The following SATB2 variants were observed in gnomAD, a reference collection of about 807,000 sequenced individuals.
The protein encoded by SATB2 is DNA-binding protein SATB2.
SATB2 carries 1 observed loss-of-function variant against 73.4 expected under a neutral mutation model. The observed-to-expected ratio is 0.01, with a 90% CI of 0.00 to 0.06. The LOEUF (loss-of-function observed/expected upper bound fraction) is 0.06. SATB2 is among the 10% of genes least tolerant of loss of function. The pLI, the probability that SATB2 is intolerant of heterozygous loss-of-function variation, is 1.00. For missense variants in SATB2, 459 were observed against 945.8 expected (o/e 0.49, Z 6.75); for synonymous variants, 397 against 367.0 (o/e 1.08, Z -0.93).
At chr2:199,317,464 G>A (rs1171796361) in intron 9 of SATB2, among the ~76,000 whole-genome samples, 1 of 151,926 alleles carries the variant, frequency 6.6e-6, no homozygotes, top group Non-Finnish European at 1.5e-5. Flanking sequence ...ACCAAGTCAG[G>A]AACAGGCAAA....
chr2:199,404,858 C>T lies in SATB2; in HGVS notation c.347-23038G>A, dbSNP rs1574595975. On this transcript the variant is annotated intron_variant, in intron 3 of 10. Transcript: ENST00000417098. ...AAAAACACTGTGATGCTTCTAAGAG[C>T]TTTAAACTTGTAAATAACCCCTCCC... 2.0e-5 allele frequency among the ~76,000 whole-genome samples: 3 copies of T among 152,276 alleles called. No homozygotes were observed. The Middle Eastern group carries it at 0.01, about 518-fold the overall frequency.
At chr2:199,301,884 C>T (rs2105758726) in intron 10 of SATB2, among the ~76,000 whole-genome samples, 1 of 152,196 alleles carries the variant, frequency 6.6e-6, no homozygotes, top group African/African-American at 2.4e-5. Context: ...AGAGGTAATA[C>T]TATGTTCAGG....
intron 10 of SATB2, among the ~76,000 whole-genome samples, chr2:199,280,288 C>T (rs765687020): frequency 6.6e-6 from 1 of 152,128 alleles, no homozygotes; most frequent in Admixed American, 6.5e-5. Flanking sequence ...CCATCATCTT[C>T]GTAAGCTGAG....
At chr2:199,307,436 C>T (rs982831136) in intron 10 of SATB2, among the ~76,000 whole-genome samples, 48 of 152,026 alleles carry the variant, frequency 3.2e-4, no homozygotes, top group African/African-American at 1.1e-3. Flanking sequence ...GATGAGACTT[C>T]GGTCAGAAAA....
chr2:199,435,975 T>TC (rs1329582395), intron 2 of SATB2, among the ~76,000 whole-genome samples: 2 of 152,182 alleles, frequency 1.3e-5, no homozygotes, highest in Non-Finnish European at 2.9e-5. Context: ...GGCCATATAG[T>TC]CCATGGTGCC....
intron 5 of SATB2, among the ~76,000 whole-genome samples, chr2:199,378,507 T>G (rs1243441839): frequency 6.6e-6 from 1 of 152,174 alleles, no homozygotes; most frequent in Non-Finnish European, 1.5e-5. Flanking sequence ...TACCTACAGG[T>G]AGGTATTAAA....
intron 2 of SATB2, among the ~76,000 whole-genome samples, chr2:199,448,703 T>G (rs1035790220): frequency 6.6e-6 from 1 of 152,156 alleles, no homozygotes; most frequent in African/African-American, 2.4e-5. Context: ...CTGTGCACAT[T>G]TCAGTAACTG....
At chr2:199,448,806 T>A (rs1327589470) in intron 2 of SATB2, among the ~76,000 whole-genome samples, 3 of 152,170 alleles carry the variant, frequency 2.0e-5, no homozygotes, top group Admixed American at 2.0e-4. Flanking sequence ...TTTTTTGATC[T>A]TTTTTGTTAT....
chr2:199,456,372 C>T (rs1692274787), intron 1 of SATB2, among the ~76,000 whole-genome samples: 1 of 152,230 alleles, frequency 6.6e-6, no homozygotes, highest in African/African-American at 2.4e-5. Context: ...CCCAGGGGCG[C>T]CTAGAAGTGG....
At chr2:199,309,676 T>C (rs944913884) in intron 9 of SATB2, among the ~76,000 whole-genome samples, 1 of 152,186 alleles carries the variant, frequency 6.6e-6, no homozygotes, top group African/African-American at 2.4e-5. Context: ...CAAATAATGA[T>C]GGATTATATG....
intron 3 of SATB2, among the ~76,000 whole-genome samples, chr2:199,424,514 T>C (rs916303556): frequency 1.1e-4 from 17 of 152,174 alleles, no homozygotes; most frequent in Admixed American, 2.6e-4. Flanking sequence ...AATAAATGAA[T>C]AGTTATGGAA....
At chr2:199,373,136 G>A (rs1414945470) in intron 5 of SATB2, among the ~76,000 whole-genome samples, 1 of 152,090 alleles carries the variant, frequency 6.6e-6, no homozygotes. Context: ...TACATATTCT[G>A]TCAGTGAGAA....
intron 10 of SATB2, among the ~76,000 whole-genome samples, chr2:199,300,608 A>G (rs1472949204): frequency 6.6e-6 from 1 of 152,104 alleles, no homozygotes; most frequent in Non-Finnish European, 1.5e-5. Context: ...TTTTGTACCG[A>G]TATAAATGAC....
At chr2:199,354,071 C>T (rs143480629) in intron 6 of SATB2, among the ~76,000 whole-genome samples, 17 of 152,210 alleles carry the variant, frequency 1.1e-4, no homozygotes, top group Admixed American at 1.1e-3. Context: ...AAAAACACAA[C>T]TGCTGGCCCG....
At chr2:199,284,003 C>T (rs1015330308) in intron 10 of SATB2, among the ~76,000 whole-genome samples, 1 of 152,094 alleles carries the variant, frequency 6.6e-6, no homozygotes. Context: ...TATGGTTATT[C>T]GGATCTGCAT....
chr2:199,461,815 C>T (rs958697097), upstream of SATB2, among the ~76,000 whole-genome samples: 2 of 152,164 alleles, frequency 1.3e-5, no homozygotes, highest in East Asian at 3.9e-4. Context: ...TTATTTCCAT[C>T]TTCTCTCCTT....
At chr2:199,373,019 G>A (rs1471722743) in intron 5 of SATB2, among the ~76,000 whole-genome samples, 9 of 152,260 alleles carry the variant, frequency 5.9e-5, no homozygotes, top group African/African-American at 2.4e-5. Context: ...GCTTGGCTTG[G>A]TGGGATTTAT....
rs1692543329 is a variant in SATB2 at position 199,464,201 on chromosome 2, C to T, written c.-141+635G>A. ...TGGCCTCCGGGAAAGGCCCAAGTGA[C>T]TGTGACGGCGGCGACTCGGGCTCAG... On this transcript the variant is annotated intron_variant, in intron 1 of 11. Coordinates refer to the SATB2 transcript ENST00000260926. This position sits in a 1 kb window ranked among gnomAD's most constrained non-coding sequence, Gnocchi z 6.6. Among the ~76,000 whole-genome samples, 1 of 152,180 alleles carries T rather than the reference C, an allele frequency of 6.6e-6. No individual in the cohort carries two copies. Among genetic ancestry groups the T allele is most frequent in the Non-Finnish European group, 1.5e-5 (1 of 68,026 alleles).
chr2:199,405,497 TA>T (rs1212210532), intron 3 of SATB2, among the ~76,000 whole-genome samples: 3 of 151,966 alleles, frequency 2.0e-5, no homozygotes, highest in African/African-American at 7.3e-5. Context: ...CCCAGGGAAA[TA>T]CAAGACTAGG....
Sources: gnomAD v4.1 joint callset for allele counts (sites outside exome capture counted in the v4.1 genomes callset) on GRCh38, gnomAD v4.1.1 for gene constraint, Gnocchi (gnomAD v3.1) non-coding constraint, MANE v1.5 for transcripts, NCBI Gene and HGNC (gene_info 2026-07-23, HGNC 2026-07-21) for gene names.